Variants in GALNT12 observed in about 807,000 individuals in gnomAD.
The protein encoded by GALNT12 is polypeptide N-acetylgalactosaminyltransferase 12.
In GALNT12, 45 loss-of-function variants were observed where a neutral mutation model predicts 55.5. The observed-to-expected ratio is 0.81, with a 90% CI of 0.64 to 1.04. GALNT12 has a LOEUF of 1.04. Among genes scored for constraint, GALNT12 ranks in the 50% least tolerant of loss-of-function variants. The pLI, the probability that GALNT12 is intolerant of heterozygous loss-of-function variation, is 0.00. For missense variants in GALNT12, 709 were observed against 754.8 expected (o/e 0.94, Z 0.71); for synonymous variants, 304 against 312.2 (o/e 0.97, Z 0.28).
At chr9:98,808,775 G>A (rs535621448) in intron 1 of GALNT12, among the ~76,000 whole-genome samples, 28 of 152,360 alleles carry the variant, frequency 1.8e-4, no homozygotes, top group Non-Finnish European at 3.1e-4. Context: ...CCCTGCCTAG[G>A]TGGGGATCCA....
chr9:98,831,982 T>C, intron 4 of GALNT12, 25 bp downstream of exon 4: 1 of 1,601,040 alleles, frequency 6.2e-7, no homozygotes, highest in Non-Finnish European at 8.5e-7. Context: ...TCTGGGTGAC[T>C]TGTTTTTTAA....
In GALNT12 at chr9:98,807,856, C is replaced by G; in HGVS notation, c.158C>G (p.Pro53Arg). ...AGAGAAEPGP[P>R]RTPRPGRREP... ...GCCGGGGCTGCCGAGCCGGGACCCC[C>G]GCGCACCCCGCGCCCCGGGCGGCGC... The change falls in exon 1 of 10, where the codon CCG becomes CGG. Residue 53 changes from proline (P) to arginine (R), a missense_variant. By Grantham distance (103) the Pro-to-Arg change is moderately radical. Coordinates refer to ENST00000375011, the MANE Select transcript of GALNT12 (RefSeq NM_024642.5). 2.0e-6 allele frequency: 2 copies of G among 1,005,736 alleles called. No homozygotes were observed. The highest frequency in any genetic ancestry group is 4.5e-5 in the South Asian group (1 of 22,320). The allele number at this position is 1,005,736 out of a possible 1,614,324, so 62.3% of individuals were successfully genotyped here.
intron 1 of GALNT12, among the ~76,000 whole-genome samples, chr9:98,812,120 C>T (rs1237693275): frequency 6.6e-6 from 1 of 152,214 alleles, no homozygotes; most frequent in Admixed American, 6.5e-5. Flanking sequence ...TTAGATCCAT[C>T]TTGAGAACAT....
chr9:98,817,430 T>G (rs1406504895), intron 1 of GALNT12, among the ~76,000 whole-genome samples: 1 of 152,108 alleles, frequency 6.6e-6, no homozygotes, highest in Non-Finnish European at 1.5e-5. Flanking sequence ...CATGTATTTG[T>G]TGGAGGGGGG....
intron 3 of GALNT12, among the ~76,000 whole-genome samples, chr9:98,829,696 C>G (rs1457766777): frequency 6.6e-6 from 1 of 152,112 alleles, no homozygotes; most frequent in Non-Finnish European, 1.5e-5. Context: ...AGTTTTAGCT[C>G]CCACAAATAA....
chr9:98,822,815 G>A (rs574944935), intron 1 of GALNT12, among the ~76,000 whole-genome samples: 10 of 152,214 alleles, frequency 6.6e-5, no homozygotes, highest in East Asian at 3.9e-4. Context: ...GGTCCCAGGC[G>A]TTTCACAAAG....
At chr9:98,836,582 C>T (rs1228445085) in intron 5 of GALNT12, among the ~76,000 whole-genome samples, 1 of 152,162 alleles carries the variant, frequency 6.6e-6, no homozygotes, top group Non-Finnish European at 1.5e-5. Context: ...TCTTCCTTTC[C>T]CCCTTCCAAA....
chr9:98,836,041 A>G (rs1836135571), intron 5 of GALNT12, among the ~76,000 whole-genome samples: 1 of 152,194 alleles, frequency 6.6e-6, no homozygotes, highest in Non-Finnish European at 1.5e-5. Flanking sequence ...CAGCCAACAC[A>G]TGTAAGAATT....
intron 1 of GALNT12, 63 bp from the exon 2 acceptor site, chr9:98,823,193 A>T: frequency 6.8e-7 from 1 of 1,476,410 alleles, no homozygotes; most frequent in Admixed American, 1.7e-5. Context: ...CCCCTTTGTC[A>T]CTCCATCCCC....
chr9:98,849,040 A>G lies in GALNT12; in HGVS notation c.1694A>G (p.Asp565Gly), dbSNP rs1564265546. Reference sequence around the variant, plus strand: ...GACAGTTTCGTTCCACTCTTACGAGACTGCACCAACTCGGATCATCAGAAA... The same window carrying G: ...GACAGTTTCGTTCCACTCTTACGAGGCTGCACCAACTCGGATCATCAGAAA... ...SSDSFVPLLRDCTNSDHQKWF... is the reference protein window; with the variant it reads ...SSDSFVPLLRGCTNSDHQKWF... The change falls in exon 10 of 10, where the codon GAC (aspartate) becomes GGC (glycine). Residue 565 changes from aspartate to glycine, a missense_variant. Coordinates refer to ENST00000375011, the MANE Select transcript of GALNT12 (RefSeq NM_024642.5). 1.2e-6 allele frequency: 2 copies of G among 1,614,140 alleles called. No homozygotes were observed. Among genetic ancestry groups the G allele is most frequent in the Non-Finnish European group, 8.5e-7 (1 of 1,180,000 alleles).
At chr9:98,844,965 A>G (rs10987949) in intron 8 of GALNT12, among the ~76,000 whole-genome samples, 27,190 of 152,120 alleles carry the variant, frequency 0.18, 3,168 homozygotes, top group East Asian at 0.33. Context: ...ACCAGGAAAC[A>G]AAGGGATAGA....
chr9:98,837,166 C>T lies in GALNT12; in HGVS notation c.1212+18C>T, dbSNP rs369381443. ...CCCGCTTGGTGAGTTCCTCGGCCCA[C>T]CTGCACTCCATCTGGCTTCATCTGA... On this transcript the variant is annotated intron_variant, in intron 6 of 9. Transcript: ENST00000375011. 19 of 1,613,552 alleles carry T rather than the reference C, an allele frequency of 1.2e-5. No homozygotes were observed. Among genetic ancestry groups the T allele is most frequent in the Non-Finnish European group, 1.5e-5 (18 of 1,179,566 alleles).
chr9:98,818,479 C>A (rs1349061392), intron 1 of GALNT12, among the ~76,000 whole-genome samples: 1 of 152,068 alleles, frequency 6.6e-6, no homozygotes, highest in Non-Finnish European at 1.5e-5. Context: ...CCGGCCTCGG[C>A]CTTCCAAAGT....
intron 3 of GALNT12, among the ~76,000 whole-genome samples, chr9:98,827,572 A>G (rs1319836042): frequency 6.6e-6 from 1 of 152,152 alleles, no homozygotes; most frequent in African/African-American, 2.4e-5. Context: ...TGGCACTCCT[A>G]AAGAATACAC....
intron 1 of GALNT12, among the ~76,000 whole-genome samples, chr9:98,811,157 G>A (rs190429762): frequency 1.5e-4 from 23 of 152,338 alleles, no homozygotes; most frequent in Admixed American, 3.9e-4. Context: ...CCTAGAGCCT[G>A]TGGATTTCTG....
intron 1 of GALNT12, 136 bp downstream of exon 1, chr9:98,808,205 G>A: frequency 3.1e-6 from 2 of 640,502 alleles, no homozygotes; most frequent in Non-Finnish European, 5.2e-6. Flanking sequence ...GAAGACGATA[G>A]TGTAAGAGCT....
In GALNT12 at chr9:98,807,819, C is replaced by T; in HGVS notation, c.121C>T (p.Arg41Cys). ...AGLGSVLRAQ[R>C]GAGAGAAEPG... ...GCTGGGCTCGGTGCTGCGGGCGCAGCGTGGGGCCGGGGCCGGGGCTGCCGA... is the reference window on the plus strand; with the variant it reads ...GCTGGGCTCGGTGCTGCGGGCGCAGTGTGGGGCCGGGGCCGGGGCTGCCGA... The change falls in exon 1 of 10, where the codon CGT becomes TGT. Residue 41 changes from arginine to cysteine, a missense_variant. Coordinates refer to ENST00000375011, the MANE Select transcript of GALNT12 (RefSeq NM_024642.5). 2 of 1,048,404 alleles carry T rather than the reference C, an allele frequency of 1.9e-6. No individual in the cohort carries two copies. Among genetic ancestry groups the T allele is most frequent in the South Asian group, 4.3e-5 (1 of 23,100 alleles). 64.9% of individuals were successfully genotyped at this position (1,048,404 alleles called of 1,614,324 possible). A position where few individuals can be genotyped will look rare whatever the true frequency, so the allele number is the denominator to read the frequency against.
rs1273954945 is a variant in GALNT12 at position 98,817,104 on chromosome 9, G to C, written c.372-6152G>C. Among the ~76,000 whole-genome samples the C allele has an allele frequency of 2.6e-5, 4 of 152,208 alleles. No homozygotes were observed. The East Asian group carries it at 7.7e-4, about 29-fold the overall frequency. On this transcript the variant is annotated intron_variant, in intron 1 of 9. Coordinates refer to ENST00000375011, the MANE Select transcript of GALNT12 (RefSeq NM_024642.5). ...GCCTCCCGAAGTGCTGGGATTACAG[G>C]CGTGGGCCACTGTGCCCAGCCCAGC...
At chr9:98,824,489 G>T (rs1835816572) in intron 2 of GALNT12, among the ~76,000 whole-genome samples, 2 of 152,184 alleles carry the variant, frequency 1.3e-5, no homozygotes, top group African/African-American at 4.8e-5. Flanking sequence ...GCCACGTGTA[G>T]CTGCAAGGGA....
Sources: gnomAD v4.1 joint callset for allele counts (sites outside exome capture counted in the v4.1 genomes callset) on GRCh38, gnomAD v4.1.1 for gene constraint, MANE v1.5 for transcripts, NCBI Gene and HGNC (gene_info 2026-07-23, HGNC 2026-07-21) for gene names.